Variants in SEL1L observed in about 807,000 individuals in gnomAD.
SEL1L encodes protein sel-1 homolog 1.
A neutral mutation model predicts 109.8 loss-of-function variants in SEL1L; 52 were observed. That is an observed-to-expected ratio of 0.47 (90% CI 0.38 to 0.60). SEL1L has a LOEUF of 0.60. SEL1L is among the 20% of genes least tolerant of loss of function. SEL1L has a pLI of 0.00. For missense variants in SEL1L, 749 were observed against 962.2 expected (o/e 0.78, Z 2.93); for synonymous variants, 373 against 339.6 (o/e 1.10, Z -1.08).
chr14:81,533,236 T>A (rs1885404012), intron 1 of SEL1L, among the ~76,000 whole-genome samples: 1 of 152,168 alleles, frequency 6.6e-6, no homozygotes, highest in African/African-American at 2.4e-5. Context: ...ACTGTCAACA[T>A]CCTGGTCTGG....
chr14:81,507,877 C>T (rs1184539433), intron 3 of SEL1L, among the ~76,000 whole-genome samples: 1 of 152,108 alleles, frequency 6.6e-6, no homozygotes, highest in East Asian at 1.9e-4. Flanking sequence ...GGTATAGATT[C>T]CGGGGTCAGA....
chr14:81,499,903 C>CT (rs67769195), intron 6 of SEL1L, among the ~76,000 whole-genome samples: 4,931 of 119,178 alleles, frequency 0.041, 291 homozygotes, highest in African/African-American at 0.11. Flanking sequence ...TTATTTGTGG[C>CT]TTTTTTTTTT....
At chr14:81,507,395 G>A (rs1406557623) in intron 3 of SEL1L, among the ~76,000 whole-genome samples, 4 of 152,006 alleles carry the variant, frequency 2.6e-5, no homozygotes, top group Non-Finnish European at 4.4e-5. Flanking sequence ...ATTCTAAGGA[G>A]GTAGATATGG....
In SEL1L at chr14:81,484,308, G is replaced by A. The variant is rs1376933772; in HGVS notation, c.1963C>T (p.Arg655Cys). The A allele has an allele frequency of 2.5e-6, 4 of 1,613,924 alleles. No homozygotes were observed. The highest frequency in any genetic ancestry group is 1.3e-5 in the African/African-American group (1 of 74,908). Residue 655 changes from arginine (R) to cysteine (C), a missense_variant, in exon 19 of 21, where the codon CGT becomes TGT. Arg to Cys is a radical substitution (Grantham distance 180). This residue lies in a region of SEL1L where 383 missense variants were observed against 562.5 expected (regional missense o/e 0.68). Transcript: ENST00000336735. ...CTGTGTTGCTGCTCAGAAGCCAGAC[G>A]GTAATGAATAAATGCAGTTTCATAA... ...VDYETAFIHYRLASEQQHSAQ... is the reference protein window; with the variant it reads ...VDYETAFIHYCLASEQQHSAQ...
In SEL1L at chr14:81,492,471, G is replaced by A. The variant is rs1883581644; in HGVS notation, c.1254+9C>T. The stretch of plus-strand genomic sequence containing the variant: ...CTATTACATAAAACATTCACAGGAT[G>A]TACAGTACCTTTCCCAAAAAGGCCA... On this transcript the variant is annotated intron_variant, in intron 12 of 20. Coordinates refer to ENST00000336735, the MANE Select transcript of SEL1L (RefSeq NM_005065.6). The A allele has an allele frequency of 3.1e-6, 5 of 1,602,272 alleles. No homozygotes were observed. The highest frequency in any genetic ancestry group is 2.2e-5 in the South Asian group (2 of 90,478).
At chr14:81,522,386 G>A (rs1039842704) in intron 3 of SEL1L, among the ~76,000 whole-genome samples, 19 of 152,132 alleles carry the variant, frequency 1.2e-4, no homozygotes, top group Non-Finnish European at 2.5e-4. Context: ...CCCTAGACAA[G>A]CGTACCATTT....
intron 10 of SEL1L, among the ~76,000 whole-genome samples, chr14:81,497,486 T>C (rs772942272): frequency 6.6e-6 from 1 of 152,216 alleles, no homozygotes; most frequent in South Asian, 2.1e-4. Flanking sequence ...GAATGGTAAA[T>C]AGCTCTGAAG....
chr14:81,483,788 G>A (rs1190783051), intron 19 of SEL1L, among the ~76,000 whole-genome samples: 1 of 152,140 alleles, frequency 6.6e-6, no homozygotes, highest in African/African-American at 2.4e-5. Context: ...ATTCTTTTGA[G>A]GGCACACAGG....
In SEL1L at chr14:81,472,610, T is replaced by C. The variant is rs535278595; in HGVS notation, c.*4362A>G. 68 of 455,060 alleles carry C rather than the reference T, an allele frequency of 1.5e-4. 2 individuals are homozygous for C. The highest frequency in any genetic ancestry group is 1.0e-3 in the South Asian group (65 of 63,564). The allele number at this position is 455,060 out of a possible 1,614,324, so 28.2% of individuals were successfully genotyped here. On this transcript the variant is annotated 3_prime_UTR_variant, in exon 21 of 21. Transcript: ENST00000336735. Reference sequence around the variant, plus strand: ...GACAAGGCAATGCATAAACAAACTTTAGATAAATAATATTATAATCAGGCT... The same window carrying C: ...GACAAGGCAATGCATAAACAAACTTCAGATAAATAATATTATAATCAGGCT...
intron 10 of SEL1L, among the ~76,000 whole-genome samples, chr14:81,497,330 CTTTTTA>C (rs1566975243): frequency 1.3e-5 from 2 of 152,202 alleles, no homozygotes; most frequent in South Asian, 4.1e-4. Flanking sequence ...TGTTAAAGTT[CTTTTTA>C]TTTTAATATC....
At chr14:81,498,525 A>T in intron 8 of SEL1L, 31 bp from the exon 9 acceptor site, 1 of 1,502,556 alleles carries the variant, frequency 6.7e-7, no homozygotes, top group Non-Finnish European at 9.2e-7. Context: ...AGGAGGCAGC[A>T]GTTTCATGTA....
At chr14:81,486,489 G>T (rs368466222) in intron 16 of SEL1L, 35 bp from the exon 17 acceptor site, 2 of 1,601,944 alleles carry the variant, frequency 1.2e-6, no homozygotes, top group African/African-American at 2.7e-5. Context: ...ATCAGTAGAA[G>T]AAAATAAGAA....
chr14:81,478,610 C>T (rs1351902547), intron 20 of SEL1L, among the ~76,000 whole-genome samples: 3 of 152,162 alleles, frequency 2.0e-5, no homozygotes, highest in Non-Finnish European at 4.4e-5. Context: ...CAATTGGCAG[C>T]GGTTACAGCA....
At chr14:81,508,140 C>G (rs1566618543) in intron 3 of SEL1L, among the ~76,000 whole-genome samples, 1 of 152,102 alleles carries the variant, frequency 6.6e-6, no homozygotes, top group Admixed American at 6.6e-5. Context: ...AGTATCCCTT[C>G]TATCTTTCCA....
rs1399723761 is a variant in SEL1L at position 81,497,930 on chromosome 14, A to G, written c.1090T>C (p.Tyr364His). The G allele has an allele frequency of 1.9e-6, 3 of 1,614,058 alleles. No individual in the cohort carries two copies. Among genetic ancestry groups the G allele is most frequent in the Non-Finnish European group, 2.5e-6 (3 of 1,179,970 alleles). ...TCACCTTTTTCAGCTAGGAACTGGT[A>G]ATATTGAATCAAATCTTCTTCTAGC... ...GMLEEDLIQY[Y>H]QFLAEKGDVQ... is the part of the protein sequence containing the mutation. The change falls in exon 10 of 21, where the codon TAC (tyrosine) becomes CAC (histidine). Residue 364 changes from tyrosine to histidine, a missense_variant. Tyr to His is a moderately conservative substitution (Grantham distance 83). Coordinates refer to ENST00000336735, the MANE Select transcript of SEL1L (RefSeq NM_005065.6).
chr14:81,498,676 C>T, intron 8 of SEL1L, 182 bp from the exon 9 acceptor site: 1 of 533,230 alleles, frequency 1.9e-6, no homozygotes, highest in Non-Finnish European at 3.4e-6. Context: ...AACAAGAAGG[C>T]CATAGCTAAG....
chr14:81,524,145 G>C (rs1313447873), intron 3 of SEL1L, among the ~76,000 whole-genome samples: 1 of 152,104 alleles, frequency 6.6e-6, no homozygotes, highest in East Asian at 1.9e-4. Flanking sequence ...AGGAGGAATG[G>C]TAGAATTAGA....
At chr14:81,524,863 G>A (rs920006674) in intron 3 of SEL1L, among the ~76,000 whole-genome samples, 8 of 152,010 alleles carry the variant, frequency 5.3e-5, no homozygotes, top group Non-Finnish European at 1.0e-4. Flanking sequence ...AACAGTGCAA[G>A]ACTCTGTCTC....
intron 3 of SEL1L, among the ~76,000 whole-genome samples, chr14:81,512,912 G>A (rs1284925777): frequency 6.6e-6 from 1 of 152,194 alleles, no homozygotes; most frequent in Non-Finnish European, 1.5e-5. Flanking sequence ...TTGAAAGACC[G>A]CTTATCATGT....
Sources: gnomAD v4.1 joint callset for allele counts (sites outside exome capture counted in the v4.1 genomes callset) on GRCh38, gnomAD v4.1.1 for gene constraint, gnomAD v4.1.1 regional missense constraint, MANE v1.5 for transcripts, NCBI Gene and HGNC (gene_info 2026-07-23, HGNC 2026-07-21) for gene names.